The following LEPR variants were observed in gnomAD, a reference collection of about 807,000 sequenced individuals.
The protein encoded by LEPR is leptin receptor, also known as OB receptor.
A neutral mutation model predicts 114.7 loss-of-function variants in LEPR; 56 were observed. The observed-to-expected ratio is 0.49, with a 90% confidence interval of 0.39 to 0.61. The LOEUF is 0.61. LEPR is among the 20% of genes least tolerant of loss of function. The pLI is 0.00. For synonymous variants in LEPR, 443 were observed against 461.4 expected, an observed-to-expected ratio of 0.96 and a Z score of 0.51; for missense variants, 1,202 against 1,352.9, an observed-to-expected ratio of 0.89 and a Z score of 1.75.
At chr1:65,579,363 A>G (rs1570741081) in intron 5 of LEPR, among the ~76,000 whole-genome samples, 1 of 152,300 alleles carries the variant, frequency 6.6e-6, no homozygotes, top group East Asian at 1.9e-4. Context: ...AGGGAGAGAA[A>G]AGTTGATAAT....
In LEPR at chr1:65,428,526, A is replaced by G. The variant is rs542454410; in HGVS notation, c.-21+3148A>G. On this transcript the variant is annotated intron_variant, in intron 2 of 19. Coordinates refer to ENST00000349533, the MANE Select transcript of LEPR (RefSeq NM_002303.6). ...AGTTTAAAATCAGGGGTCCAAATCC[A>G]CTGTTTCCATCCTGAGTCCTCTTGA... is the stretch of plus-strand genomic sequence containing the variant. Among the ~76,000 whole-genome samples the G allele has an allele frequency of 2.6e-5, 4 of 152,278 alleles. No individual in the cohort carries two copies. The South Asian group carries it at 6.2e-4, about 24-fold the overall frequency.
intron 2 of LEPR, among the ~76,000 whole-genome samples, chr1:65,450,927 C>A (rs1229214429): frequency 6.6e-6 from 1 of 151,352 alleles, no homozygotes; most frequent in African/African-American, 2.4e-5. Flanking sequence ...TCCACATCCT[C>A]TCCAGCACCT....
chr1:65,453,903 T>A (rs369604046), intron 2 of LEPR, among the ~76,000 whole-genome samples: 5 of 151,198 alleles, frequency 3.3e-5, no homozygotes, highest in African/African-American at 7.3e-5. Flanking sequence ...CCCATTATTA[T>A]TGTGTGGGAG....
In LEPR at chr1:65,639,015, A is replaced by T. The variant is rs998893200; in HGVS notation, c.*2000A>T. 2.0e-5 allele frequency: 3 copies of T among 152,198 alleles called. No individual in the cohort carries two copies. The highest frequency in any genetic ancestry group is 2.9e-5 in the Non-Finnish European group (2 of 68,028). The allele number at this position is 152,198 out of a possible 1,614,324, so 9.4% of individuals were successfully genotyped here. On this transcript the variant is annotated 3_prime_UTR_variant, in exon 20 of 20. Transcript: ENST00000349533. ...CAGTACAGAAGAGATAGAAAAATAA[A>T]TTTTGCCCCACTCTGAAATTGAAGA...
At chr1:65,428,910 G>T (rs1253065271) in intron 2 of LEPR, among the ~76,000 whole-genome samples, 1 of 152,002 alleles carries the variant, frequency 6.6e-6, no homozygotes, top group South Asian at 2.1e-4. Flanking sequence ...ACTATTAATT[G>T]TGAGCTCTTA....
chr1:65,525,371 A>T lies in LEPR; in HGVS notation c.-20-40175A>T, dbSNP rs537081101. ...GGGGTACTGCCAGGGAACTCGCGGC[A>T]CCGCGTGCTTGCTGAGTTCGCCTGG... On this transcript the variant is annotated intron_variant, in intron 2 of 19. Transcript: ENST00000349533. Among the ~76,000 whole-genome samples the T allele has an allele frequency of 3.9e-5, 6 of 152,248 alleles. No homozygotes were observed. In the South Asian group the frequency reaches 1.2e-3, roughly 31 times the overall value.
chr1:65,427,666 A>G, intron 2 of LEPR: 1 of 171,012 alleles, frequency 5.8e-6, no homozygotes. Flanking sequence ...CCAACTGTAA[A>G]TCTAGGAGTT....
intron 2 of LEPR, among the ~76,000 whole-genome samples, chr1:65,554,034 A>T (rs897673593): frequency 6.6e-6 from 1 of 152,194 alleles, no homozygotes; most frequent in Non-Finnish European, 1.5e-5. Flanking sequence ...TCACCAGCGG[A>T]GGCTGCAGAC....
chr1:65,441,564 A>G (rs1224684521), intron 2 of LEPR, among the ~76,000 whole-genome samples: 1 of 152,206 alleles, frequency 6.6e-6, no homozygotes, highest in Non-Finnish European at 1.5e-5. Flanking sequence ...TGTTTATTTA[A>G]TCTTAGATAA....
chr1:65,494,899 A>G (rs1017157240), intron 2 of LEPR, among the ~76,000 whole-genome samples: 1 of 152,150 alleles, frequency 6.6e-6, no homozygotes, highest in African/African-American at 2.4e-5. Context: ...CACTAAAAAG[A>G]TAATTATCTC....
chr1:65,543,313 T>C (rs1409310612), intron 2 of LEPR, among the ~76,000 whole-genome samples: 1 of 151,988 alleles, frequency 6.6e-6, no homozygotes. Context: ...TGGGGTTGTT[T>C]GTTTTTTTCT....
At chr1:65,465,776 G>A (rs978175058) in intron 2 of LEPR, among the ~76,000 whole-genome samples, 2 of 152,162 alleles carry the variant, frequency 1.3e-5, no homozygotes, top group Admixed American at 6.5e-5. Flanking sequence ...TTACCATTAC[G>A]TAGTGGCCTT....
At chr1:65,614,580 A>C (rs1357239251) in intron 14 of LEPR, among the ~76,000 whole-genome samples, 1 of 152,156 alleles carries the variant, frequency 6.6e-6, no homozygotes, top group South Asian at 2.1e-4. Flanking sequence ...ACTGCTCTAC[A>C]TGTACTCTGG....
At chr1:65,571,379 T>C (rs1654141851) in intron 4 of LEPR, among the ~76,000 whole-genome samples, 1 of 151,042 alleles carries the variant, frequency 6.6e-6, no homozygotes, top group African/African-American at 2.4e-5. Context: ...AAAAAAATTC[T>C]TTTTTTTTGT....
chr1:65,459,305 C>CT (rs2100365766), intron 2 of LEPR, among the ~76,000 whole-genome samples: 1 of 152,186 alleles, frequency 6.6e-6, no homozygotes, highest in South Asian at 2.1e-4. Flanking sequence ...GAGCTGACCT[C>CT]TGAGAGTTGC....
intron 10 of LEPR, among the ~76,000 whole-genome samples, chr1:65,602,342 T>C (rs1446549177): frequency 6.6e-6 from 1 of 151,918 alleles, no homozygotes; most frequent in Non-Finnish European, 1.5e-5. Flanking sequence ...AGATTAATGT[T>C]TTGGAAAAAA....
At chr1:65,463,219 G>T (rs1230337584) in intron 2 of LEPR, among the ~76,000 whole-genome samples, 1 of 152,106 alleles carries the variant, frequency 6.6e-6, no homozygotes, top group Non-Finnish European at 1.5e-5. Flanking sequence ...CATATGGCTA[G>T]CCAGTTTTCC....
intron 4 of LEPR, among the ~76,000 whole-genome samples, chr1:65,571,831 A>G (rs1408393810): frequency 1.4e-5 from 2 of 145,014 alleles, no homozygotes; most frequent in Admixed American, 1.4e-4. Flanking sequence ...TTAACTGGGC[A>G]TGGTGGTGCA....
intron 2 of LEPR, among the ~76,000 whole-genome samples, chr1:65,557,412 T>G: frequency 6.6e-6 from 1 of 152,142 alleles, no homozygotes; most frequent in South Asian, 2.1e-4. Flanking sequence ...TTTAAAAAAT[T>G]TCTGTCACTT....
Sources: allele counts gnomAD v4.1 joint callset (sites outside exome capture counted in the v4.1 genomes callset), GRCh38; gene constraint gnomAD v4.1.1; transcripts MANE v1.5; gene names NCBI Gene and HGNC (gene_info 2026-07-23, HGNC 2026-07-21).